C8orf74: variants seen among roughly 807,000 people sequenced by gnomAD.
C8orf74 encodes the protein uncharacterized protein C8orf74.
In C8orf74, 29 loss-of-function variants were observed where a neutral mutation model predicts 22.2. That is an observed-to-expected ratio of 1.31 (90% CI 0.97 to 1.78). The LOEUF (loss-of-function observed/expected upper bound fraction) is 1.78. Ranked by LOEUF, C8orf74 falls within the 40% of genes most tolerant of loss-of-function variation. The probability of loss-of-function intolerance (pLI) is 0.00; values close to 1 mark genes in which losing one functional copy is unlikely to be tolerated. For synonymous variants in C8orf74, 255 were observed against 163.1 expected (o/e 1.56, Z -4.30); for missense variants, 515 against 369.9 (o/e 1.39, Z -3.22).
chr8:10,677,192 C>G (rs1799051037), intron 2 of C8orf74, among the ~76,000 whole-genome samples: 2 of 152,220 alleles, frequency 1.3e-5, no homozygotes, highest in East Asian at 1.9e-4. Context: ...CACTTCATTC[C>G]TTACATGACC....
At chr8:10,687,960 C>A (rs908992917) in intron 2 of C8orf74, among the ~76,000 whole-genome samples, 2 of 152,004 alleles carry the variant, frequency 1.3e-5, no homozygotes, top group East Asian at 3.9e-4. Flanking sequence ...AATCCCAGCA[C>A]TTTGGGAGGC....
At chr8:10,688,599 A>G (rs1445418807) in intron 2 of C8orf74, 1 of 152,346 alleles carries the variant, frequency 6.6e-6, no homozygotes, top group Non-Finnish European at 1.5e-5. Flanking sequence ...GGTGGCTGAG[A>G]ACAGAACACA....
intron 2 of C8orf74, among the ~76,000 whole-genome samples, chr8:10,678,300 G>C (rs1019350479): frequency 6.6e-6 from 1 of 152,196 alleles, no homozygotes; most frequent in African/African-American, 2.4e-5. Context: ...ATTGTTAGAA[G>C]GATCAAATGA....
chr8:10,687,358 A>C (rs528725233), intron 2 of C8orf74: 2 of 303,232 alleles, frequency 6.6e-6, no homozygotes, highest in Admixed American at 4.6e-5. Context: ...ATAGAAATAG[A>C]TTGCATTACG....
chr8:10,678,346 G>C (rs1384694339), intron 2 of C8orf74, among the ~76,000 whole-genome samples: 1 of 152,206 alleles, frequency 6.6e-6, no homozygotes, highest in Non-Finnish European at 1.5e-5. Flanking sequence ...GGTGCTCGGT[G>C]CCTAGGAAGC....
At chr8:10,680,799 C>T (rs112735309) in intron 2 of C8orf74, among the ~76,000 whole-genome samples, 1 of 152,160 alleles carries the variant, frequency 6.6e-6, no homozygotes, top group African/African-American at 2.4e-5. Flanking sequence ...AAAGAGCTGG[C>T]GTAGCTGGCA....
chr8:10,699,889 C>T (rs1439558125), intron 3 of C8orf74, among the ~76,000 whole-genome samples: 1 of 152,220 alleles, frequency 6.6e-6, no homozygotes, highest in Admixed American at 6.5e-5. Flanking sequence ...CTGGCCGTCA[C>T]TCTAGGCAAG....
At chr8:10,678,854 G>A (rs1799088135) in intron 2 of C8orf74, among the ~76,000 whole-genome samples, 1 of 152,162 alleles carries the variant, frequency 6.6e-6, no homozygotes, top group Non-Finnish European at 1.5e-5. Flanking sequence ...GATGGTGCCT[G>A]CTGTCCCTGA....
intron 2 of C8orf74, among the ~76,000 whole-genome samples, chr8:10,693,625 G>A (rs888393085): frequency 2.0e-5 from 3 of 152,212 alleles, no homozygotes; most frequent in African/African-American, 7.2e-5. Flanking sequence ...TTGTTCAACT[G>A]TCTCCTCTTC....
intron 2 of C8orf74, chr8:10,690,873 C>A: frequency 2.2e-6 from 1 of 456,222 alleles, no homozygotes; most frequent in South Asian, 1.5e-5. Flanking sequence ...CTCGCAGGTG[C>A]TGGCCTCCAG....
intron 3 of C8orf74, among the ~76,000 whole-genome samples, chr8:10,699,522 G>C (rs1437106684): frequency 6.6e-6 from 1 of 152,250 alleles, no homozygotes; most frequent in Non-Finnish European, 1.5e-5. Context: ...CTCCTATGCT[G>C]TGTGGTTGCT....
At chr8:10,695,416 T>C (rs1418571141) in intron 2 of C8orf74, among the ~76,000 whole-genome samples, 1 of 152,152 alleles carries the variant, frequency 6.6e-6, no homozygotes, top group Admixed American at 6.5e-5. Flanking sequence ...AGTCTGTGAT[T>C]CTGCATGATG....
intron 2 of C8orf74, among the ~76,000 whole-genome samples, chr8:10,696,857 G>T (rs901618544): frequency 1.3e-5 from 2 of 151,348 alleles, no homozygotes; most frequent in Admixed American, 1.3e-4. Context: ...CTTTAAAACA[G>T]GCATCAAAAG....
intron 2 of C8orf74, among the ~76,000 whole-genome samples, 154 bp downstream of exon 2, chr8:10,674,992 A>G (rs1045243223): frequency 2.6e-5 from 4 of 152,320 alleles, no homozygotes; most frequent in Admixed American, 2.6e-4. Flanking sequence ...ATGCTTAAAA[A>G]TAAGGTCTCT....
At chr8:10,680,865 C>T (rs900017197) in intron 2 of C8orf74, among the ~76,000 whole-genome samples, 2 of 152,214 alleles carry the variant, frequency 1.3e-5, no homozygotes, top group African/African-American at 2.4e-5. Context: ...ACCCTGTCCG[C>T]CTCCTGGCAT....
Position 10,674,903 on chromosome 8 carries a change from C to T in C8orf74, c.241+65C>T, listed in dbSNP as rs1243175376. 3.7e-6 allele frequency: 5 copies of T among 1,361,058 alleles called. No homozygotes were observed. In the East Asian group the frequency reaches 1.3e-4, roughly 35 times the overall value. The allele number at this position is 1,361,058 out of a possible 1,614,324, so 84.3% of individuals were successfully genotyped here. The stretch of plus-strand genomic sequence containing the variant: ...GGATGGGGTGGGTACACATAGAACT[C>T]CCCTGCCGTCCACAGCCCCAGCAGC... On this transcript the variant is annotated intron_variant, in intron 2 of 3. Coordinates refer to ENST00000304519, the MANE Select transcript of C8orf74 (RefSeq NM_001040032.2).
At chr8:10,698,061 C>A in intron 3 of C8orf74, 56 bp downstream of exon 3, 1 of 1,429,362 alleles carries the variant, frequency 7.0e-7, no homozygotes, top group East Asian at 2.5e-5. Context: ...AGACACCAGC[C>A]AGGGCTGGAG....
chr8:10,684,917 G>A (rs533203492), intron 2 of C8orf74, among the ~76,000 whole-genome samples: 40 of 152,282 alleles, frequency 2.6e-4, no homozygotes, highest in African/African-American at 9.1e-4. Context: ...TACGTCGACG[G>A]CCCATCTGAT....
At chr8:10,693,600 A>C (rs1235055123) in intron 2 of C8orf74, among the ~76,000 whole-genome samples, 1 of 152,148 alleles carries the variant, frequency 6.6e-6, no homozygotes, top group Admixed American at 6.5e-5. Flanking sequence ...CTGAGAATAC[A>C]CAGGTGGCCA....
Sources: allele counts gnomAD v4.1 joint callset (sites outside exome capture counted in the v4.1 genomes callset), GRCh38; gene constraint gnomAD v4.1.1; transcripts MANE v1.5; gene names NCBI Gene and HGNC (gene_info 2026-07-23, HGNC 2026-07-21).